The following ERICH3 variants were observed in gnomAD, a reference collection of about 807,000 sequenced individuals.
ERICH3 encodes glutamate-rich protein 3.
ERICH3 carries 126 observed loss-of-function variants against 131.1 expected under a neutral mutation model. The ratio of observed to expected loss-of-function variants is 0.96; its 90% CI spans 0.83 to 1.11. ERICH3 has a LOEUF of 1.11. ERICH3 is among the 50% of genes most tolerant of loss of function. The pLI, the probability that ERICH3 is intolerant of heterozygous loss-of-function variation, is 0.00. For missense variants in ERICH3, 2,050 were observed against 1,810.7 expected, an observed-to-expected ratio of 1.13 and a Z score of -2.40; for synonymous variants, 695 against 644.6, an observed-to-expected ratio of 1.08 and a Z score of -1.18.
chr1:74,665,723 C>A (rs969277480), intron 1 of ERICH3, among the ~76,000 whole-genome samples: 1 of 152,066 alleles, frequency 6.6e-6, no homozygotes, highest in Non-Finnish European at 1.5e-5. Context: ...ATGAAGACAC[C>A]AGTCACATTG....
chr1:74,587,324 C>CAAAAAAA, intron 12 of ERICH3, among the ~76,000 whole-genome samples: 1 of 56,254 alleles, frequency 1.8e-5, no homozygotes, highest in Admixed American at 2.0e-4. Flanking sequence ...GACTCCATCT[C>CAAAAAAA]AAAAAAAAAA....
intron 1 of ERICH3, among the ~76,000 whole-genome samples, chr1:74,672,016 T>G (rs564374571): frequency 6.6e-6 from 1 of 152,362 alleles, no homozygotes; most frequent in East Asian, 1.9e-4. Flanking sequence ...CCCCATAGGC[T>G]TGGAACTAAT....
intron 8 of ERICH3, among the ~76,000 whole-genome samples, chr1:74,620,438 C>T (rs946265347): frequency 6.6e-5 from 10 of 152,100 alleles, no homozygotes; most frequent in Admixed American, 2.0e-4. Context: ...CTTGGAATTT[C>T]GGGGACAGCT....
At chr1:74,611,266 G>A (rs1331145715) in intron 9 of ERICH3, among the ~76,000 whole-genome samples, 2 of 152,044 alleles carry the variant, frequency 1.3e-5, no homozygotes, top group Non-Finnish European at 2.9e-5. Context: ...GTCTCAATAA[G>A]TTAACTGGAC....
chr1:74,607,978 C>T (rs1417830978), intron 9 of ERICH3, among the ~76,000 whole-genome samples: 4 of 151,844 alleles, frequency 2.6e-5, no homozygotes, highest in Non-Finnish European at 4.4e-5. Context: ...CTATCATCAC[C>T]ACTTTACAAA....
intron 3 of ERICH3, 64 bp downstream of exon 3, chr1:74,646,603 C>T (rs1646486261): frequency 2.1e-6 from 2 of 961,700 alleles, no homozygotes; most frequent in Non-Finnish European, 2.9e-6. Flanking sequence ...TTTATACCTC[C>T]ATCTTCAGTG....
intron 11 of ERICH3, among the ~76,000 whole-genome samples, chr1:74,599,285 T>C (rs1191048157): frequency 6.6e-6 from 1 of 151,956 alleles, no homozygotes; most frequent in Non-Finnish European, 1.5e-5. Flanking sequence ...ATTTGTTTTA[T>C]GTTCCTCTTT....
intron 10 of ERICH3, 46 bp downstream of exon 10, chr1:74,606,555 C>A: frequency 6.6e-7 from 1 of 1,526,136 alleles, no homozygotes; most frequent in Non-Finnish European, 8.8e-7. Flanking sequence ...CAAAGACAAA[C>A]GAAACAGCCA....
intron 5 of ERICH3, among the ~76,000 whole-genome samples, chr1:74,640,974 G>GACCTCA: frequency 1.3e-5 from 2 of 152,094 alleles, no homozygotes; most frequent in Non-Finnish European, 2.9e-5. Flanking sequence ...AAAAAATTTG[G>GACCTCA]AATAGCTAAT....
At chr1:74,649,102 A>G (rs748055321) in intron 2 of ERICH3, 120 bp downstream of exon 2, 2 of 638,442 alleles carry the variant, frequency 3.1e-6, no homozygotes, top group Non-Finnish European at 5.2e-6. Context: ...TTGGAAAGAA[A>G]GTAATTTTTC....
chr1:74,645,396 A>T (rs1277053456), intron 3 of ERICH3, among the ~76,000 whole-genome samples: 1 of 150,964 alleles, frequency 6.6e-6, no homozygotes, highest in Non-Finnish European at 1.5e-5. Flanking sequence ...TTTTTCTATT[A>T]TGTTTATATA....
intron 1 of ERICH3, among the ~76,000 whole-genome samples, chr1:74,671,103 CA>C (rs1646738637): frequency 1.3e-5 from 2 of 152,162 alleles, no homozygotes; most frequent in Admixed American, 1.3e-4. Context: ...AGACGTTTAT[CA>C]AGACAATATG....
Position 74,666,030 on chromosome 1 carries a change from C to T in ERICH3, c.23+7467G>A, listed in dbSNP as rs558797963. Among the ~76,000 whole-genome samples the T allele has an allele frequency of 2.6e-5, 4 of 152,156 alleles. No homozygotes were observed. The East Asian group carries it at 5.8e-4, about 22-fold the overall frequency. ...CTTGATTCTGAATTATCTGTGCTGG[C>T]AAACAGAAAAAGATCATTGATGACC... On this transcript the variant is annotated intron_variant, in intron 1 of 14. Coordinates refer to ENST00000326665, the MANE Select transcript of ERICH3 (RefSeq NM_001002912.5).
intron 8 of ERICH3, among the ~76,000 whole-genome samples, chr1:74,614,303 G>T (rs1648839222): frequency 6.8e-6 from 1 of 146,036 alleles, no homozygotes; most frequent in African/African-American, 2.5e-5. Context: ...AATAATGAGT[G>T]AATTATTATT....
intron 1 of ERICH3, among the ~76,000 whole-genome samples, chr1:74,666,816 C>T (rs556436508): frequency 6.6e-6 from 1 of 152,246 alleles, no homozygotes; most frequent in South Asian, 2.1e-4. Flanking sequence ...TTATTTAACC[C>T]ATGAAGTGCA....
At chr1:74,574,604 A>G (rs1647017896) in intron 13 of ERICH3, among the ~76,000 whole-genome samples, 1 of 152,192 alleles carries the variant, frequency 6.6e-6, no homozygotes, top group African/African-American at 2.4e-5. Flanking sequence ...GACTTTGCAG[A>G]CCGGGACAGT....
chr1:74,652,573 G>T (rs1447842583), intron 1 of ERICH3, among the ~76,000 whole-genome samples: 1 of 150,898 alleles, frequency 6.6e-6, no homozygotes, highest in Non-Finnish European at 1.5e-5. Flanking sequence ...CTTGCTCATG[G>T]CATAACCCTG....
At chr1:74,621,966 A>C (rs1204820013) in intron 7 of ERICH3, 1 of 152,244 alleles carries the variant, frequency 6.6e-6, no homozygotes, top group Non-Finnish European at 1.5e-5. Context: ...TAAGCTAGAC[A>C]AAAAATGTGC....
At chr1:74,611,928 T>C (rs560277627) in intron 9 of ERICH3, among the ~76,000 whole-genome samples, 2 of 152,300 alleles carry the variant, frequency 1.3e-5, no homozygotes, top group East Asian at 1.9e-4. Flanking sequence ...TTATTAGCTT[T>C]TCCTCCATTA....
Sources: allele counts gnomAD v4.1 joint callset (sites outside exome capture counted in the v4.1 genomes callset), GRCh38; gene constraint gnomAD v4.1.1; transcripts MANE v1.5; gene names NCBI Gene and HGNC (gene_info 2026-07-23, HGNC 2026-07-21).